APCDD1L: variants seen among roughly 807,000 people sequenced by gnomAD.
The protein encoded by APCDD1L is protein APCDD1-like.
In APCDD1L, 21 loss-of-function variants were observed where a neutral mutation model predicts 24.2. That is an observed-to-expected ratio of 0.87 (90% CI 0.61 to 1.25). APCDD1L has a LOEUF of 1.25. Among genes scored for constraint, APCDD1L ranks in the 50% most tolerant of loss-of-function variants. APCDD1L has a pLI of 0.00. For synonymous variants in APCDD1L, 321 were observed against 323.6 expected (o/e 0.99, Z 0.09); for missense variants, 704 against 711.7 (o/e 0.99, Z 0.12).
chr20:58,504,893 T>TC (rs1990504817), intron 1 of APCDD1L, among the ~76,000 whole-genome samples: 1 of 152,198 alleles, frequency 6.6e-6, no homozygotes, highest in Non-Finnish European at 1.5e-5. Context: ...TGCAGCCAGG[T>TC]CAGGTTTCAC....
At chr20:58,492,729 G>A (rs1385869551) in intron 1 of APCDD1L, among the ~76,000 whole-genome samples, 5 of 152,202 alleles carry the variant, frequency 3.3e-5, no homozygotes, top group Non-Finnish European at 5.9e-5. Context: ...CTGTGCATAC[G>A]CATGCACTGA....
intron 3 of APCDD1L, among the ~76,000 whole-genome samples, chr20:58,462,714 C>G (rs866938998): frequency 6.6e-6 from 1 of 151,264 alleles, no homozygotes. Flanking sequence ...TGTGGTGGCA[C>G]ATGCCTGTAT....
intron 1 of APCDD1L, among the ~76,000 whole-genome samples, chr20:58,510,941 TC>T (rs1990615291): frequency 6.6e-6 from 1 of 152,198 alleles, no homozygotes; most frequent in Non-Finnish European, 1.5e-5. Flanking sequence ...AATGGCAACT[TC>T]CTGAGAGCAG....
rs144979784 is a variant in APCDD1L at position 58,499,555 on chromosome 20, G to C, written c.49+15104C>G. Among the ~76,000 whole-genome samples the C allele has an allele frequency of 1.6e-3, 249 of 152,292 alleles. 1 individual carries two copies. Among genetic ancestry groups the C allele is most frequent in the African/African-American group, 5.9e-3 (246 of 41,548 alleles). ...CCCATTCCCACTTCCTTGCCCTCAA[G>C]AGCTGTTGGATTGGGCACCAGAACT... On this transcript the variant is annotated intron_variant, in intron 1 of 3. Coordinates refer to ENST00000371149, the MANE Select transcript of APCDD1L (RefSeq NM_153360.3).
chr20:58,461,338 C>T lies in APCDD1L; in HGVS notation c.958G>A (p.Asp320Asn), dbSNP rs772330675. Residue 320 changes from aspartate (D) to asparagine (N), a missense_variant, in exon 4 of 4, where the codon GAC becomes AAC. Transcript: ENST00000371149. This position sits in a 1 kb window ranked among gnomAD's most constrained non-coding sequence, Gnocchi z 6.0. ...SWEGYYHHFS[D>N]PACRQPTFTV... The stretch of plus-strand genomic sequence containing the variant: ...AAGGTGGGCTGCCGGCAGGCTGGGT[C>T]TGAGAAGTGGTGGTAATACCCTTCC... The T allele has an allele frequency of 5.0e-6, 8 of 1,598,550 alleles. No individual in the cohort carries two copies. The African/African-American group carries it at 1.1e-4, about 21-fold the overall frequency.
At chr20:58,475,105 A>G (rs921553676) in intron 1 of APCDD1L, among the ~76,000 whole-genome samples, 4 of 152,244 alleles carry the variant, frequency 2.6e-5, no homozygotes, top group African/African-American at 9.6e-5. Context: ...TGTTTTCTTC[A>G]AAGATCATGA....
chr20:58,473,036 C>A (rs1989842174), intron 1 of APCDD1L, among the ~76,000 whole-genome samples: 1 of 152,108 alleles, frequency 6.6e-6, no homozygotes. Context: ...CGAAACCTGT[C>A]CAAAAGTGTT....
chr20:58,479,593 C>CTTTTTTTTTTTTTTTTTTTTT (rs10580833), intron 1 of APCDD1L, among the ~76,000 whole-genome samples: 1 of 125,418 alleles, frequency 8.0e-6, no homozygotes, highest in Non-Finnish European at 1.7e-5. Context: ...TTAAGATTTG[C>CTTTTTTTTTTTTTTTTTTTTT]TTTTTTTTTT....
At chr20:58,493,075 T>C (rs376055399) in intron 1 of APCDD1L, among the ~76,000 whole-genome samples, 1 of 142,902 alleles carries the variant, frequency 7.0e-6, no homozygotes, top group Non-Finnish European at 1.5e-5. Flanking sequence ...AATGCAAGCA[T>C]GCATACATGC....
At chr20:58,496,646 G>A (rs1252153320) in intron 1 of APCDD1L, among the ~76,000 whole-genome samples, 1 of 152,242 alleles carries the variant, frequency 6.6e-6, no homozygotes, top group Non-Finnish European at 1.5e-5. Context: ...AATGTCGGGG[G>A]TCAGCATGGG....
rs917014622 is a variant in APCDD1L at position 58,494,916 on chromosome 20, C to T, written c.49+19743G>A. Among the ~76,000 whole-genome samples the T allele has an allele frequency of 2.0e-5, 3 of 152,168 alleles. No individual in the cohort carries two copies. The highest frequency in any genetic ancestry group is 4.4e-5 in the Non-Finnish European group (3 of 68,040). ...AATGCTCTTTTTGGGCCTTCTGGCTCATTCTCCTCCTTCAGCTCAAGCGTC... is the reference window on the plus strand; with the variant it reads ...AATGCTCTTTTTGGGCCTTCTGGCTTATTCTCCTCCTTCAGCTCAAGCGTC... On this transcript the variant is annotated intron_variant, in intron 1 of 3. Transcript: ENST00000371149. This position sits in a 1 kb window ranked among gnomAD's most constrained non-coding sequence, Gnocchi z 4.8.
rs141136517 is a variant in APCDD1L, at chr20:58,472,219, C to T, written c.50-1472G>A. Among the ~76,000 whole-genome samples the T allele has an allele frequency of 7.2e-4, 109 of 152,260 alleles. 2 individuals are homozygous for T. The highest frequency in any genetic ancestry group is 4.1e-4 in the South Asian group (2 of 4,822). Reference sequence around the variant, plus strand: ...TGATCAGCTGAGAAGGCAGGAGTGACGCTGATTATGACAAGGGGGATGACG... The same window carrying T: ...TGATCAGCTGAGAAGGCAGGAGTGATGCTGATTATGACAAGGGGGATGACG... On this transcript the variant is annotated intron_variant, in intron 1 of 3. Transcript: ENST00000371149.
rs1989599680 is a variant in APCDD1L, at chr20:58,461,323, G to T, written c.973C>A (p.Gln325Lys). The change falls in exon 4 of 4, where the codon CAG (glutamine) becomes AAG (lysine). Residue 325 changes from glutamine to lysine, a missense_variant. Coordinates refer to ENST00000371149, the MANE Select transcript of APCDD1L (RefSeq NM_153360.3). The surrounding 1 kb of genome is among the most constrained non-coding windows in gnomAD (Gnocchi z 6.0). ...YHHFSDPACR[Q>K]PTFTVYAAGR... is the part of the protein sequence containing the mutation. Reference sequence around the variant, plus strand: ...GCGGCATACACGGTGAAGGTGGGCTGCCGGCAGGCTGGGTCTGAGAAGTGG... The same window carrying T: ...GCGGCATACACGGTGAAGGTGGGCTTCCGGCAGGCTGGGTCTGAGAAGTGG... The T allele has an allele frequency of 1.2e-6, 2 of 1,603,748 alleles. No individual in the cohort carries two copies. The highest frequency in any genetic ancestry group is 2.7e-5 in the African/African-American group (2 of 74,760).
chr20:58,514,982 G>GC lies in APCDD1L; in HGVS notation c.-276dup, dbSNP rs1052407809. On this transcript the variant is annotated 5_prime_UTR_variant, in exon 1 of 4. It removes the in-frame stop codon of an upstream open reading frame in the 5' UTR. Coordinates refer to ENST00000371149, the MANE Select transcript of APCDD1L (RefSeq NM_153360.3). ...CGCGCACACCCGCGCAGCGCGCACA[G>GC]CCCCCTGGTGCAGCTCCTGCCATTC... 4 of 334,790 alleles carry GC rather than the reference G, an allele frequency of 1.2e-5. No individual in the cohort carries two copies. The highest frequency in any genetic ancestry group is 4.5e-5 in the East Asian group (1 of 22,130). 20.7% of individuals were successfully genotyped at this position (334,790 alleles called of 1,614,324 possible). A position where few individuals can be genotyped will look rare whatever the true frequency, so the allele number is the denominator to read the frequency against.
rs759706049 is a variant in APCDD1L, at chr20:58,460,907, G to A, written c.1389C>T (p.Ser463=). The change falls in exon 4 of 4, where the codon TCC becomes TCT. Residue 463 remains serine, a synonymous_variant. Transcript: ENST00000371149. This position sits in a 1 kb window ranked among gnomAD's most constrained non-coding sequence, Gnocchi z 4.2. ...GCGATGGCCTGTGCTGCGGTGGCCT[G>A]GAGAAGTCGGGGGCCTCCCCATGAC... ...VLCHGEAPDF[S]RPPQHRPSLQ... is the part of the protein sequence containing the mutation. 2.2e-5 allele frequency: 36 copies of A among 1,610,844 alleles called. No homozygotes were observed. The highest frequency in any genetic ancestry group is 2.9e-5 in the Non-Finnish European group (34 of 1,177,940).
At chr20:58,500,320 C>T (rs556890343) in intron 1 of APCDD1L, among the ~76,000 whole-genome samples, 6 of 152,292 alleles carry the variant, frequency 3.9e-5, no homozygotes, top group South Asian at 2.1e-4. Flanking sequence ...CGCATCACAA[C>T]GGATTCAGTC....
At position 58,476,707 on chromosome 20, in the gene APCDD1L, T is replaced by C. The variant is rs1989916795; in HGVS notation, c.50-5960A>G. On this transcript the variant is annotated intron_variant, in intron 1 of 3. Coordinates refer to ENST00000371149, the MANE Select transcript of APCDD1L (RefSeq NM_153360.3). ...TGATTTCCCAGTGCACTTGGTTCAA[T>C]ATCCAAGCTTTCTTGTGTAGCCTCG... Among the ~76,000 whole-genome samples the C allele has an allele frequency of 2.0e-5, 3 of 152,218 alleles. No individual in the cohort carries two copies. The South Asian group carries it at 6.2e-4, about 31-fold the overall frequency.
Position 58,496,557 on chromosome 20 carries a change from G to A in APCDD1L, c.49+18102C>T, listed in dbSNP as rs1016595665. On this transcript the variant is annotated intron_variant, in intron 1 of 3. Transcript: ENST00000371149. ...GAAGCGACAGGGGAGAGAAAGGTGGGCTCCGTGGGCCTGAGCAACGGCAGG... is the reference window on the plus strand; with the variant it reads ...GAAGCGACAGGGGAGAGAAAGGTGGACTCCGTGGGCCTGAGCAACGGCAGG... Among the ~76,000 whole-genome samples the A allele has an allele frequency of 2.6e-5, 4 of 152,372 alleles. No homozygotes were observed. In the South Asian group the frequency reaches 8.3e-4, roughly 32 times the overall value.
intron 1 of APCDD1L, among the ~76,000 whole-genome samples, chr20:58,483,293 C>T (rs1250511972): frequency 1.3e-5 from 2 of 152,176 alleles, no homozygotes; most frequent in Non-Finnish European, 2.9e-5. Context: ...GGAGGCCTTG[C>T]TGCTGCTTCT....
Sources: allele counts gnomAD v4.1 joint callset (sites outside exome capture counted in the v4.1 genomes callset), GRCh38; gene constraint gnomAD v4.1.1; non-coding constraint Gnocchi (gnomAD v3.1); transcripts MANE v1.5; gene names NCBI Gene and HGNC (gene_info 2026-07-23, HGNC 2026-07-21).